The following CPNE8 variants were observed in gnomAD, a reference collection of about 807,000 sequenced individuals.
CPNE8 encodes copine-8.
Under a neutral mutation model 81.5 loss-of-function variants are expected in CPNE8, and 45 were observed. The observed-to-expected ratio is 0.55, with a 90% CI of 0.44 to 0.71. The LOEUF (loss-of-function observed/expected upper bound fraction) is 0.71. Among genes scored for constraint, CPNE8 ranks in the 30% least tolerant of loss-of-function variants. CPNE8 has a pLI of 0.00. For missense variants in CPNE8, 594 were observed against 672.1 expected, an observed-to-expected ratio of 0.88 and a Z score of 1.28; for synonymous variants, 252 against 226.3, an observed-to-expected ratio of 1.11 and a Z score of -1.02.
Position 38,767,675 on chromosome 12 carries a change from C to A in CPNE8, c.535G>T (p.Asp179Tyr). The A allele has an allele frequency of 6.4e-7, 1 of 1,564,468 alleles. No individual in the cohort carries two copies. The highest frequency in any genetic ancestry group is 8.6e-7 in the Non-Finnish European group (1 of 1,162,264). Reference sequence around the variant, plus strand: ...CTTCGATAAAATACAAGGAAAGGATCTGATTTTCCAAAGAAGTCCTTCTTG... The same window carrying A: ...CTTCGATAAAATACAAGGAAAGGATATGATTTTCCAAAGAAGTCCTTCTTG... ...LDKKDFFGKS[D>Y]PFLVFYRSNE... is the part of the protein sequence containing the mutation. The change falls in exon 8 of 20, where the codon GAT becomes TAT. Residue 179 changes from aspartate to tyrosine, a missense_variant. Asp to Tyr is a radical substitution (Grantham distance 160). Coordinates refer to ENST00000331366, the MANE Select transcript of CPNE8 (RefSeq NM_153634.3).
intron 10 of CPNE8, among the ~76,000 whole-genome samples, chr12:38,744,987 G>T (rs1018226253): frequency 6.6e-6 from 1 of 152,104 alleles, no homozygotes; most frequent in Admixed American, 6.6e-5. Flanking sequence ...TCATTCTACA[G>T]ATATTTTCCC....
chr12:38,848,781 A>AT (rs1362175913), intron 3 of CPNE8, 119 bp from the exon 4 acceptor site: 8 of 1,270,418 alleles, frequency 6.3e-6, no homozygotes, highest in Non-Finnish European at 7.2e-6. Context: ...AATAATAGAA[A>AT]TTTTTTAGCG....
intron 8 of CPNE8, among the ~76,000 whole-genome samples, chr12:38,764,610 C>T (rs1236551411): frequency 8.0e-6 from 1 of 124,358 alleles, no homozygotes; most frequent in Non-Finnish European, 1.6e-5. Flanking sequence ...GAGCGAGACT[C>T]CGTCTCAAAA....
chr12:38,836,651 GT>G (rs1166458363), intron 5 of CPNE8, among the ~76,000 whole-genome samples: 1 of 152,162 alleles, frequency 6.6e-6, no homozygotes, highest in Admixed American at 6.5e-5. Context: ...GCACTTAGCA[GT>G]TTTTCCTACA....
intron 6 of CPNE8, among the ~76,000 whole-genome samples, chr12:38,827,641 A>T (rs1486086002): frequency 6.6e-6 from 1 of 152,232 alleles, no homozygotes; most frequent in African/African-American, 2.4e-5. Context: ...ATATAGACAT[A>T]AAAAAGTCTG....
chr12:38,794,332 C>T (rs1328299945), intron 6 of CPNE8, among the ~76,000 whole-genome samples: 1 of 151,920 alleles, frequency 6.6e-6, no homozygotes, highest in African/African-American at 2.4e-5. Flanking sequence ...ATATAAAGAA[C>T]TGCTTTAAAT....
intron 6 of CPNE8, among the ~76,000 whole-genome samples, chr12:38,807,393 C>T (rs1565628623): frequency 6.6e-6 from 1 of 150,984 alleles, no homozygotes; most frequent in Admixed American, 6.6e-5. Context: ...GGGACTAGTA[C>T]CAAAACAGAG....
intron 6 of CPNE8, among the ~76,000 whole-genome samples, chr12:38,811,142 C>A (rs1211300854): frequency 6.6e-6 from 1 of 152,016 alleles, no homozygotes; most frequent in Non-Finnish European, 1.5e-5. Flanking sequence ...TCCTTCTACC[C>A]TGCACATACC....
intron 14 of CPNE8, among the ~76,000 whole-genome samples, chr12:38,701,863 T>G (rs898374587): frequency 6.6e-6 from 1 of 152,148 alleles, no homozygotes; most frequent in Admixed American, 6.6e-5. Flanking sequence ...TTGGAAGCCA[T>G]AATGTTGCAG....
At chr12:38,788,475 T>C (rs370486127) in intron 6 of CPNE8, among the ~76,000 whole-genome samples, 12 of 151,964 alleles carry the variant, frequency 7.9e-5, no homozygotes, top group African/African-American at 2.7e-4. Context: ...ATAAAAGCCA[T>C]TTATGATAGA....
rs79285671 is a variant in CPNE8, at chr12:38,763,793, T to C, written c.576-1577A>G. Among the ~76,000 whole-genome samples, 6 of 152,290 alleles carry C rather than the reference T, an allele frequency of 3.9e-5. No homozygotes were observed. In the East Asian group the frequency reaches 1.2e-3, roughly 29 times the overall value. On this transcript the variant is annotated intron_variant, in intron 8 of 19. Coordinates refer to ENST00000331366, the MANE Select transcript of CPNE8 (RefSeq NM_153634.3). Reference sequence around the variant, plus strand: ...CTTCATCAAGACCTTAGTCATAAAGTGTTTCAAATGCAATTATCTAACAGT... The same window carrying C: ...CTTCATCAAGACCTTAGTCATAAAGCGTTTCAAATGCAATTATCTAACAGT...
At chr12:38,808,748 T>TATA (rs1172928374) in intron 6 of CPNE8, among the ~76,000 whole-genome samples, 2 of 150,620 alleles carry the variant, frequency 1.3e-5, no homozygotes, top group Non-Finnish European at 3.0e-5. Context: ...AAACTTAAAG[T>TATA]ATAATAATAA....
chr12:38,673,157 G>GCT (rs1338004983), intron 18 of CPNE8, among the ~76,000 whole-genome samples: 2 of 151,808 alleles, frequency 1.3e-5, no homozygotes, highest in Non-Finnish European at 2.9e-5. Flanking sequence ...CCTCTCACAT[G>GCT]CTCTCTCTCT....
chr12:38,852,237 G>A (rs541472798), intron 3 of CPNE8, among the ~76,000 whole-genome samples: 1 of 152,170 alleles, frequency 6.6e-6, no homozygotes, highest in African/African-American at 2.4e-5. Flanking sequence ...AGACCAGCCT[G>A]ACCAACATGG....
chr12:38,794,008 C>T (rs77436731), intron 6 of CPNE8, among the ~76,000 whole-genome samples: 1,668 of 152,138 alleles, frequency 0.011, 9 homozygotes, highest in Middle Eastern at 0.024. Context: ...GGAAAACTAT[C>T]CACATGCAAA....
At chr12:38,827,129 A>G (rs2137017737) in intron 6 of CPNE8, among the ~76,000 whole-genome samples, 1 of 149,152 alleles carries the variant, frequency 6.7e-6, no homozygotes, top group East Asian at 2.0e-4. Context: ...TGCAGTGAGC[A>G]GAGATTGCGC....
chr12:38,861,246 G>A (rs967815809), intron 3 of CPNE8, among the ~76,000 whole-genome samples: 3 of 152,004 alleles, frequency 2.0e-5, no homozygotes, highest in Non-Finnish European at 4.4e-5. Context: ...AGAGAAAAAC[G>A]GGAAATTGTT....
At chr12:38,743,516 T>C (rs1324556941) in intron 10 of CPNE8, among the ~76,000 whole-genome samples, 2 of 152,118 alleles carry the variant, frequency 1.3e-5, no homozygotes, top group Non-Finnish European at 2.9e-5. Context: ...ATGTGGATTA[T>C]TGAGGCAATT....
intron 16 of CPNE8, 46 bp downstream of exon 16, chr12:38,685,444 A>G: frequency 6.3e-7 from 1 of 1,592,234 alleles, no homozygotes; most frequent in Non-Finnish European, 8.6e-7. Context: ...TGAGTTCACC[A>G]TGTTCCAGTA....
Sources: allele counts gnomAD v4.1 joint callset (sites outside exome capture counted in the v4.1 genomes callset), GRCh38; gene constraint gnomAD v4.1.1; transcripts MANE v1.5; gene names NCBI Gene and HGNC (gene_info 2026-07-23, HGNC 2026-07-21).